Variants in UBE2B observed in about 807,000 individuals in gnomAD.
The protein encoded by UBE2B is ubiquitin-conjugating enzyme E2 B.
A neutral mutation model predicts 24.6 loss-of-function variants in UBE2B; 11 were observed. That is an observed-to-expected ratio of 0.45 (90% confidence interval 0.28 to 0.74). The LOEUF (loss-of-function observed/expected upper bound fraction) is 0.74. Ranked by LOEUF, UBE2B falls within the 30% of genes least tolerant of loss-of-function variation. The pLI is 0.13. For synonymous variants in UBE2B, 68 were observed against 62.4 expected (o/e 1.09, Z -0.42); for missense variants, 78 against 185.6 (o/e 0.42, Z 3.37).
At chr5:134,377,724 C>T (rs1321308960) in intron 3 of UBE2B, among the ~76,000 whole-genome samples, 5 of 152,168 alleles carry the variant, frequency 3.3e-5, no homozygotes, top group South Asian at 2.1e-4. Flanking sequence ...GAGACCCTCT[C>T]GGGGGACCCA....
rs1264042320 is a variant in UBE2B at position 134,390,584 on chromosome 5, A to G, written c.*231A>G. The G allele has an allele frequency of 8.7e-6, 4 of 458,512 alleles. No individual in the cohort carries two copies. Among genetic ancestry groups the G allele is most frequent in the African/African-American group, 2.0e-5 (1 of 50,546 alleles). The allele number at this position is 458,512 out of a possible 1,614,324, so 28.4% of individuals were successfully genotyped here. On this transcript the variant is annotated 3_prime_UTR_variant, in exon 6 of 6. Coordinates refer to ENST00000265339, the MANE Select transcript of UBE2B (RefSeq NM_003337.4). This position sits in a 1 kb window ranked among gnomAD's most constrained non-coding sequence, Gnocchi z 4.6. ...TAAATTTGTAATATATCCTGTTTGT[A>G]TTTTTTTCCAAGTGTATAATGTTGG...
At chr5:134,381,660 A>G (rs1423336324) in intron 4 of UBE2B, among the ~76,000 whole-genome samples, 3 of 152,112 alleles carry the variant, frequency 2.0e-5, no homozygotes, top group Non-Finnish European at 2.9e-5. Context: ...AAAGTAATAC[A>G]TGGTCGGGCA....
chr5:134,379,516 C>T (rs929613527), intron 3 of UBE2B, among the ~76,000 whole-genome samples: 3 of 151,720 alleles, frequency 2.0e-5, no homozygotes, highest in Non-Finnish European at 2.9e-5. Context: ...CGGGATGGCA[C>T]GTGCCTGTAA....
At chr5:134,375,126 C>T (rs1561679044) in intron 2 of UBE2B, among the ~76,000 whole-genome samples, 1 of 152,094 alleles carries the variant, frequency 6.6e-6, no homozygotes, top group Non-Finnish European at 1.5e-5. Context: ...CACGCAAATG[C>T]TCTCATTCTG....
intron 3 of UBE2B, among the ~76,000 whole-genome samples, chr5:134,379,082 T>G (rs1357654237): frequency 2.0e-5 from 3 of 152,220 alleles, no homozygotes; most frequent in Admixed American, 2.0e-4. Flanking sequence ...GTGATTTTTT[T>G]GATAGTATAT....
chr5:134,381,054 C>T (rs538185506), intron 4 of UBE2B, among the ~76,000 whole-genome samples: 1 of 149,826 alleles, frequency 6.7e-6, no homozygotes, highest in Non-Finnish European at 1.5e-5. Context: ...GCAAGCTCCG[C>T]CTCCCGGGTT....
At chr5:134,373,819 C>T (rs932993852) in intron 1 of UBE2B, among the ~76,000 whole-genome samples, 1 of 152,118 alleles carries the variant, frequency 6.6e-6, no homozygotes, top group African/African-American at 2.4e-5. Flanking sequence ...TGAACTCATC[C>T]TTTTTTATGG....
At chr5:134,382,858 T>C (rs1758731674) in intron 4 of UBE2B, among the ~76,000 whole-genome samples, 1 of 152,166 alleles carries the variant, frequency 6.6e-6, no homozygotes, top group African/African-American at 2.4e-5. Flanking sequence ...TAATATACTG[T>C]GAACATTTTC....
chr5:134,383,856 C>T (rs532778528), intron 4 of UBE2B, among the ~76,000 whole-genome samples: 14 of 152,002 alleles, frequency 9.2e-5, no homozygotes, highest in Admixed American at 4.6e-4. Flanking sequence ...GTTTTTTAAA[C>T]GTGGGGATTA....
chr5:134,378,554 G>A (rs760926478), intron 3 of UBE2B, among the ~76,000 whole-genome samples: 1 of 152,152 alleles, frequency 6.6e-6, no homozygotes, highest in Non-Finnish European at 1.5e-5. Context: ...ACCCAGCCGA[G>A]TATCTGTCTT....
rs75453937 is a variant in UBE2B, at chr5:134,373,276, T to G, written c.45-1107T>G. ...ACTAGTTTCCTAGTTAAATTTAATG[T>G]GTTTTCAGTCATTTTGTGTTTACAC... On this transcript the variant is annotated intron_variant, in intron 1 of 5. Transcript: ENST00000265339. Among the ~76,000 whole-genome samples, 175 of 152,182 alleles carry G rather than the reference T, an allele frequency of 1.1e-3. 4 individuals are homozygous for G. The East Asian group carries it at 0.032, about 28-fold the overall frequency.
chr5:134,380,953 GGAT>G, intron 4 of UBE2B, 145 bp downstream of exon 4: 1 of 267,220 alleles, frequency 3.7e-6, no homozygotes, highest in Non-Finnish European at 6.8e-6. Flanking sequence ...ATTTTGTTGT[GGAT>G]TTTTTTTTTT....
intron 4 of UBE2B, among the ~76,000 whole-genome samples, chr5:134,387,064 A>G (rs767782056): frequency 6.6e-6 from 1 of 151,392 alleles, no homozygotes; most frequent in African/African-American, 2.4e-5. Flanking sequence ...GGTTCAAGCA[A>G]TTCTTCTGCC....
At chr5:134,381,398 G>A (rs1186554120) in intron 4 of UBE2B, among the ~76,000 whole-genome samples, 2 of 152,142 alleles carry the variant, frequency 1.3e-5, no homozygotes, top group East Asian at 3.9e-4. Context: ...TGGGACGACA[G>A]GTGTGGACCA....
chr5:134,376,729 T>C (rs1477401571), intron 3 of UBE2B, 35 bp downstream of exon 3: 3 of 1,577,742 alleles, frequency 1.9e-6, no homozygotes, highest in Non-Finnish European at 2.6e-6. Flanking sequence ...TATAGTGTTA[T>C]GAGGTTACTT....
chr5:134,382,924 T>C (rs1314381784), intron 4 of UBE2B, among the ~76,000 whole-genome samples: 1 of 152,116 alleles, frequency 6.6e-6, no homozygotes, highest in Non-Finnish European at 1.5e-5. Flanking sequence ...CCTAGCACTT[T>C]GGGAGGCCAA....
At chr5:134,386,461 G>A (rs997625315) in intron 4 of UBE2B, among the ~76,000 whole-genome samples, 3 of 151,802 alleles carry the variant, frequency 2.0e-5, no homozygotes, top group Admixed American at 6.6e-5. Context: ...GCAAAACCCC[G>A]TCTCTACTAA....
In UBE2B at chr5:134,386,427, C is replaced by G. The variant is rs1020350066; in HGVS notation, c.242-1898C>G. Among the ~76,000 whole-genome samples, 6 of 151,740 alleles carry G rather than the reference C, an allele frequency of 4.0e-5. 1 individual carries two copies. The South Asian group carries it at 1.2e-3, about 32-fold the overall frequency. ...GGTGGATCACCTGAGGTCAGGAGTT[C>G]GAGACCAGCCTGGCCAACATATGGC... On this transcript the variant is annotated intron_variant, in intron 4 of 5. Transcript: ENST00000265339.
chr5:134,383,528 G>A (rs556289641), intron 4 of UBE2B, among the ~76,000 whole-genome samples: 62 of 141,498 alleles, frequency 4.4e-4, no homozygotes, highest in African/African-American at 1.6e-3. Flanking sequence ...TATCGGCCAG[G>A]CTGGAGTGCA....
Sources: gnomAD v4.1 joint callset for allele counts (sites outside exome capture counted in the v4.1 genomes callset) on GRCh38, gnomAD v4.1.1 for gene constraint, Gnocchi (gnomAD v3.1) non-coding constraint, MANE v1.5 for transcripts, NCBI Gene and HGNC (gene_info 2026-07-23, HGNC 2026-07-21) for gene names.